Variants in POLM observed in about 807,000 individuals in gnomAD.
The protein encoded by POLM is DNA-directed DNA/RNA polymerase mu.
In POLM, 52 loss-of-function variants were observed where a neutral mutation model predicts 56.7. That is an observed-to-expected ratio of 0.92 (90% CI 0.73 to 1.15). POLM has a LOEUF of 1.15. POLM is among the 50% of genes most tolerant of loss of function. The probability of loss-of-function intolerance (pLI) is 0.00; values close to 1 mark genes in which losing one functional copy is unlikely to be tolerated. For missense variants in POLM, 660 were observed against 663.6 expected, an observed-to-expected ratio of 0.99 and a Z score of 0.06; for synonymous variants, 273 against 274.3, an observed-to-expected ratio of 1.00 and a Z score of 0.05.
chr7:44,073,851 T>C lies in POLM; in HGVS notation c.1246A>G (p.Arg416Gly). ...ACGGGTGCAACTACCAAGTCCACTC[T>C]CACGGCCTTCCAGGATGGGCAGGGC... ...TRPCPSWKAVRVDLVVAPVSQ... is the reference protein window; with the variant it reads ...TRPCPSWKAVGVDLVVAPVSQ... Residue 416 changes from arginine to glycine, a missense_variant, in exon 9 of 11, where the codon AGA becomes GGA. By Grantham distance (125) the Arg-to-Gly change is moderately radical. Transcript: ENST00000242248. 1 of 1,614,248 alleles carries C rather than the reference T, an allele frequency of 6.2e-7. No individual in the cohort carries two copies. Among genetic ancestry groups the C allele is most frequent in the Non-Finnish European group, 8.5e-7 (1 of 1,180,042 alleles).
intron 6 of POLM, chr7:44,076,230 C>T (rs1431150709): frequency 2.7e-6 from 1 of 371,942 alleles, no homozygotes; most frequent in Non-Finnish European, 5.0e-6. Context: ...GCAGTGTGCC[C>T]AAGGCCCAGG....
At chr7:44,074,282 C>T (rs1562667510) in intron 7 of POLM, 49 bp from the exon 8 acceptor site, 1 of 1,543,988 alleles carries the variant, frequency 6.5e-7, no homozygotes, top group Non-Finnish European at 8.8e-7. Flanking sequence ...CTGCTCACTC[C>T]AGCCCCAGGC....
chr7:44,081,663 G>C (rs986331173), intron 1 of POLM, among the ~76,000 whole-genome samples: 2 of 152,240 alleles, frequency 1.3e-5, no homozygotes, highest in Middle Eastern at 3.4e-3. Flanking sequence ...AGAGGAGCCT[G>C]CGGGCTCCGG....
rs764950197 is a variant in POLM, at chr7:44,082,386, G to GCGGCAT, written c.47_52dup (p.Asp16_Ala17dup). 4 of 1,528,856 alleles carry GCGGCAT rather than the reference G, an allele frequency of 2.6e-6. No homozygotes were observed. The African/African-American group carries it at 5.8e-5, about 22-fold the overall frequency. 94.7% of individuals were successfully genotyped at this position (1,528,856 alleles called of 1,614,324 possible). Reference sequence around the variant, plus strand: ...GCGCGTCGAGGGCGGCGTGGAGGAAGCGGCATCGCCGCTAGGGGACCCGAC... The same window carrying GCGGCAT: ...GCGCGTCGAGGGCGGCGTGGAGGAAGCGGCATCGGCATCGCCGCTAGGGGACCCGAC... On this transcript the variant is annotated inframe_insertion, in exon 1 of 11. Coordinates refer to ENST00000242248, the MANE Select transcript of POLM (RefSeq NM_013284.4).
rs758439328 is a variant in POLM, at chr7:44,082,322, C to T, written c.117G>A (p.Met39Ile). The change falls in exon 1 of 11, where the codon ATG (methionine) becomes ATA (isoleucine). Residue 39 changes from methionine to isoleucine, a missense_variant. Transcript: ENST00000242248. ...GVAIYLVEPR[M>I]GRSRRAFLTG... ...TGAGGAAGGCCCGGCGGCTGCGACC[C>T]ATGCGAGGCTCGACCAGGTAGATGG... The T allele has an allele frequency of 3.8e-6, 6 of 1,560,450 alleles. No homozygotes were observed. The highest frequency in any genetic ancestry group is 3.7e-5 in the Admixed American group (2 of 53,610).
intron 6 of POLM, 69 bp downstream of exon 6, chr7:44,076,440 G>T: frequency 6.3e-7 from 1 of 1,596,334 alleles, no homozygotes. Context: ...TCCCTCTAGG[G>T]AGTTGATGCT....
Position 44,082,509 on chromosome 7 carries a change from A to G in POLM, c.-71T>C, listed in dbSNP as rs1006122806. The G allele has an allele frequency of 8.7e-5, 7 of 80,454 alleles. No homozygotes were observed. The highest frequency in any genetic ancestry group is 9.8e-3 in the Middle Eastern group (1 of 102). 5.0% of individuals were successfully genotyped at this position (80,454 alleles called of 1,614,324 possible). A position where few individuals can be genotyped will look rare whatever the true frequency, so the allele number is the denominator to read the frequency against. Reference sequence around the variant, plus strand: ...TCCGAGCGAGACGGAAGGAAGCCCCAGTGAGGCTGACGGAAGCGGGTGGGC... The same window carrying G: ...TCCGAGCGAGACGGAAGGAAGCCCCGGTGAGGCTGACGGAAGCGGGTGGGC... On this transcript the variant is annotated 5_prime_UTR_variant, in exon 1 of 11. Transcript: ENST00000242248.
Position 44,080,385 on chromosome 7 carries a change from T to C in POLM, c.372+348A>G, listed in dbSNP as rs143971135. The stretch of plus-strand genomic sequence containing the variant: ...CACACCTGTCAGAGGCCGGGAGCCT[T>C]ATAGCATCCAGAGGACAGGCTCCTG... On this transcript the variant is annotated intron_variant, in intron 2 of 10. Coordinates refer to ENST00000242248, the MANE Select transcript of POLM (RefSeq NM_013284.4). 4.8e-4 allele frequency: 262 copies of C among 550,626 alleles called. 1 individual carries two copies. Among genetic ancestry groups the C allele is most frequent in the African/African-American group, 4.6e-3 (248 of 53,740 alleles). 34.1% of individuals were successfully genotyped at this position (550,626 alleles called of 1,614,324 possible). A position where few individuals can be genotyped will look rare whatever the true frequency, so the allele number is the denominator to read the frequency against.
chr7:44,076,702 C>T (rs924054308), intron 5 of POLM, 73 bp from the exon 6 acceptor site: 22 of 1,580,802 alleles, frequency 1.4e-5, no homozygotes, highest in Middle Eastern at 2.2e-4. Flanking sequence ...CGCTCCGGGA[C>T]GGTGTGGCCC....
intron 6 of POLM, 100 bp from the exon 7 acceptor site, chr7:44,074,630 T>G: frequency 2.2e-6 from 3 of 1,376,284 alleles, no homozygotes; most frequent in Non-Finnish European, 2.9e-6. Flanking sequence ...GCCCCGTCAT[T>G]GCAGGACCAG....
At chr7:44,076,805 G>A in intron 5 of POLM, 176 bp from the exon 6 acceptor site, 1 of 714,516 alleles carries the variant, frequency 1.4e-6, no homozygotes, top group East Asian at 2.7e-5. Flanking sequence ...TGACTACCCA[G>A]CCTGCCGTCT....
At position 44,082,478 on chromosome 7, in the gene POLM, G is replaced by A. The variant is rs543072113; in HGVS notation, c.-40C>T. ...CCAGCAGCGCGGAGCGAACGCAGAGGGAAACTCCGAGCGAGACGGAAGGAA... is the reference window on the plus strand; with the variant it reads ...CCAGCAGCGCGGAGCGAACGCAGAGAGAAACTCCGAGCGAGACGGAAGGAA... On this transcript the variant is annotated 5_prime_UTR_variant, in exon 1 of 11. Transcript: ENST00000242248. The A allele has an allele frequency of 7.6e-5, 77 of 1,015,860 alleles. 1 individual carries two copies. The South Asian group carries it at 1.5e-3, about 19-fold the overall frequency. The allele number at this position is 1,015,860 out of a possible 1,614,324, so 62.9% of individuals were successfully genotyped here.
chr7:44,080,475 A>G (rs1218538348), intron 2 of POLM: 1 of 663,286 alleles, frequency 1.5e-6, no homozygotes, highest in Admixed American at 2.1e-5. Flanking sequence ...GAAAGGCCTG[A>G]AGAAGGTAAA....
At chr7:44,074,955 G>GT (rs1327252335) in intron 6 of POLM, among the ~76,000 whole-genome samples, 1 of 152,230 alleles carries the variant, frequency 6.6e-6, no homozygotes, top group Non-Finnish European at 1.5e-5. Flanking sequence ...CCAAGAGGTG[G>GT]TAAAAGGATG....
intron 5 of POLM, among the ~76,000 whole-genome samples, chr7:44,078,067 G>A (rs1324927835): frequency 6.6e-6 from 1 of 152,260 alleles, no homozygotes; most frequent in Non-Finnish European, 1.5e-5. Context: ...AGGCGGGCAA[G>A]GGCAAGCCCA....
chr7:44,076,359 C>T (rs2128801211), intron 6 of POLM, 150 bp downstream of exon 6: 6 of 871,400 alleles, frequency 6.9e-6, no homozygotes, highest in East Asian at 5.1e-5. Context: ...ATCCTGACTG[C>T]ACTGGGTGGA....
Position 44,073,879 on chromosome 7 carries a change from C to T in POLM, c.1218G>A (p.Thr406=), listed in dbSNP as rs748760851. The part of the protein sequence containing the change: ...QPPGAAVGGS[T]RPCPSWKAVR... ...CGGCCTTCCAGGATGGGCAGGGCCT[C>T]GTGGATCCCCCCACAGCAGCCCCTG... The change falls in exon 9 of 11, where the codon ACG becomes ACA. Residue 406 remains threonine, a synonymous_variant. Transcript: ENST00000242248. The T allele has an allele frequency of 3.1e-6, 5 of 1,614,216 alleles. No individual in the cohort carries two copies. Among genetic ancestry groups the T allele is most frequent in the East Asian group, 2.2e-5 (1 of 44,882 alleles).
chr7:44,073,006 A>C lies in POLM; in HGVS notation c.*285T>G. On this transcript the variant is annotated 3_prime_UTR_variant, in exon 11 of 11. Coordinates refer to ENST00000242248, the MANE Select transcript of POLM (RefSeq NM_013284.4). ...CAGCTCCACGATGTGGGCCCCACTC[A>C]CATCCCATCCAGGGCAGGAACGTGA... 1.8e-6 allele frequency: 2 copies of C among 1,129,230 alleles called. No individual in the cohort carries two copies. Among genetic ancestry groups the C allele is most frequent in the South Asian group, 3.6e-5 (2 of 55,768 alleles). The allele number at this position is 1,129,230 out of a possible 1,614,324, so 70.0% of individuals were successfully genotyped here.
At position 44,074,226 on chromosome 7, in the gene POLM, A is replaced by G. The variant is rs748355667; in HGVS notation, c.976T>C (p.Leu326=). Residue 326 remains leucine, a synonymous_variant, in exon 8 of 11, where the codon TTG becomes CTG. Transcript: ENST00000242248. ...TLTGGFRRGK[L]QGHDVDFLIT... ...AGGAAGTCCACGTCATGGCCCTGCA[A>G]CTTCCCCCTGAGGGCGTCAGTCTGA... 1.1e-5 allele frequency: 17 copies of G among 1,579,958 alleles called. No individual in the cohort carries two copies. The highest frequency in any genetic ancestry group is 1.5e-5 in the Non-Finnish European group (17 of 1,162,508).
Sources: allele counts gnomAD v4.1 joint callset (sites outside exome capture counted in the v4.1 genomes callset), GRCh38; gene constraint gnomAD v4.1.1; transcripts MANE v1.5; gene names NCBI Gene and HGNC (gene_info 2026-07-23, HGNC 2026-07-21).